PSMG2: variants seen among roughly 807,000 people sequenced by gnomAD.
The protein encoded by PSMG2 is CD40 ligand-activated specific transcript 3.
A neutral mutation model predicts 31.5 loss-of-function variants in PSMG2; 21 were observed. The ratio of observed to expected loss-of-function variants is 0.67; its 90% CI spans 0.47 to 0.96. The LOEUF (loss-of-function observed/expected upper bound fraction) is 0.96. Ranked by LOEUF, PSMG2 falls within the 40% of genes least tolerant of loss-of-function variation. The pLI, the probability that PSMG2 is intolerant of heterozygous loss-of-function variation, is 0.00. For missense variants in PSMG2, 318 were observed against 321.2 expected, an observed-to-expected ratio of 0.99 and a Z score of 0.08; for synonymous variants, 120 against 110.4, an observed-to-expected ratio of 1.09 and a Z score of -0.54.
intron 1 of PSMG2, chr18:12,680,582 G>T: frequency 9.3e-7 from 1 of 1,076,328 alleles, no homozygotes; most frequent in Non-Finnish European, 1.3e-6. Context: ...GGGCGACAGA[G>T]CGAGACTCCA....
chr18:12,722,730 A>G lies in PSMG2; in HGVS notation c.582-1769A>G, dbSNP rs534623515. ...AATAGTTCCAAATAAAAAAGTAATAATAATAGTCATCCTCTGCCTTTCTTT... is the reference window on the plus strand; with the variant it reads ...AATAGTTCCAAATAAAAAAGTAATAGTAATAGTCATCCTCTGCCTTTCTTT... On this transcript the variant is annotated intron_variant, in intron 5 of 6. Transcript: ENST00000317615. 8.5e-5 allele frequency among the ~76,000 whole-genome samples: 13 copies of G among 152,352 alleles called. No individual in the cohort carries two copies. The South Asian group carries it at 2.5e-3, about 29-fold the overall frequency.
At chr18:12,702,791 C>A, upstream of PSMG2, 1 of 572,264 alleles carries the variant, frequency 1.7e-6, no homozygotes, top group Non-Finnish European at 3.0e-6. Context: ...TGGGGCTGGC[C>A]CGCACGCTGC....
chr18:12,723,064 A>G (rs914574086), intron 5 of PSMG2, among the ~76,000 whole-genome samples: 2 of 152,242 alleles, frequency 1.3e-5, no homozygotes, highest in Admixed American at 1.3e-4. Flanking sequence ...AACAGTTTCT[A>G]CTTTGTAGTT....
Position 12,668,597 on chromosome 18 carries a change from CAAAAAAAAAAAAAAAAA to C in PSMG2, c.-37+9840_-37+9856del, listed in dbSNP as rs752216074. 2.8e-3 allele frequency among the ~76,000 whole-genome samples: 201 copies of C among 72,830 alleles called. 5 individuals are homozygous for C. The highest frequency in any genetic ancestry group is 8.8e-3 in the African/African-American group (158 of 18,056). The allele number at this position is 72,830 out of a possible 152,430, so 47.8% of individuals were successfully genotyped here. ...TGGGAGACAGAGTAAGATTCCATCT[CAAAAAAAAAAAAAAAAA>C]AAAAAAAAAAAAAAATAGTGAATGT... On this transcript the variant is annotated intron_variant, in intron 1 of 6. Transcript: ENST00000585331.
At chr18:12,702,923 C>T, upstream of PSMG2, 1 of 644,566 alleles carries the variant, frequency 1.6e-6, no homozygotes, top group Non-Finnish European at 2.5e-6. Flanking sequence ...TCGCGGCCAC[C>T]CGGCGGCCTC....
intron 1 of PSMG2, among the ~76,000 whole-genome samples, chr18:12,705,711 ACACT>A (rs1223504025): frequency 2.0e-5 from 3 of 152,066 alleles, no homozygotes; most frequent in Admixed American, 1.3e-4. Context: ...CGAAGCCTTT[ACACT>A]TGCTTTCCCA....
At chr18:12,703,364 A>T (rs1017185968) in intron 1 of PSMG2, among the ~76,000 whole-genome samples, 200 bp downstream of exon 1, 9 of 152,242 alleles carry the variant, frequency 5.9e-5, no homozygotes, top group African/African-American at 2.2e-4. Context: ...AACCAAACGT[A>T]GTCAAGTCTA....
At chr18:12,695,658 G>A (rs1322064396) in intron 1 of PSMG2, among the ~76,000 whole-genome samples, 3 of 151,972 alleles carry the variant, frequency 2.0e-5, no homozygotes, top group African/African-American at 7.3e-5. Flanking sequence ...TGATATTCCT[G>A]CCTCAGCCTT....
At chr18:12,688,871 T>G (rs1239642123) in intron 1 of PSMG2, among the ~76,000 whole-genome samples, 1 of 152,110 alleles carries the variant, frequency 6.6e-6, no homozygotes, top group East Asian at 1.9e-4. Context: ...TCCCAGCACT[T>G]TGGGAGGCCG....
At chr18:12,675,065 A>G (rs969785988) in intron 1 of PSMG2, among the ~76,000 whole-genome samples, 4 of 136,254 alleles carry the variant, frequency 2.9e-5, no homozygotes, top group African/African-American at 8.0e-5. Context: ...TATGGAGGAC[A>G]GGTATAATTC....
chr18:12,689,243 CTGT>C (rs560977588), intron 1 of PSMG2, among the ~76,000 whole-genome samples: 27 of 151,904 alleles, frequency 1.8e-4, no homozygotes, highest in South Asian at 4.1e-4. Flanking sequence ...CTGTTTTACA[CTGT>C]TGTTGTTTAA....
At chr18:12,659,597 G>A (rs185478221) in intron 1 of PSMG2, among the ~76,000 whole-genome samples, 2 of 152,232 alleles carry the variant, frequency 1.3e-5, no homozygotes, top group Non-Finnish European at 2.9e-5. Context: ...TTGAACCTGG[G>A]AGGTGGAAGT....
At chr18:12,708,378 T>A (rs1231538474) in intron 2 of PSMG2, among the ~76,000 whole-genome samples, 1 of 152,006 alleles carries the variant, frequency 6.6e-6, no homozygotes, top group Non-Finnish European at 1.5e-5. Context: ...TTTTTTTTTT[T>A]AATGAGATGG....
chr18:12,699,314 A>G, upstream of PSMG2: 1 of 694,348 alleles, frequency 1.4e-6, no homozygotes, highest in Non-Finnish European at 2.4e-6. Context: ...CCAAAGACTA[A>G]AAAAAAAGCA....
chr18:12,703,594 G>T (rs113255294), intron 1 of PSMG2, among the ~76,000 whole-genome samples: 7 of 152,232 alleles, frequency 4.6e-5, no homozygotes, highest in African/African-American at 1.4e-4. Flanking sequence ...CAGTTTTATC[G>T]CTCTTTATAT....
chr18:12,678,129 G>T (rs769159491), intron 1 of PSMG2: 1 of 1,612,434 alleles, frequency 6.2e-7, no homozygotes, highest in Admixed American at 1.7e-5. Flanking sequence ...TCTGACACCA[G>T]GAGCCTCAGC....
At chr18:12,671,142 T>G (rs2038932516) in intron 1 of PSMG2, 1 of 150,844 alleles carries the variant, frequency 6.6e-6, no homozygotes, top group Non-Finnish European at 1.5e-5. Flanking sequence ...GGGGGGGGTC[T>G]CTCTATGCTC....
At chr18:12,704,305 G>C (rs2051789607) in intron 1 of PSMG2, among the ~76,000 whole-genome samples, 2 of 152,176 alleles carry the variant, frequency 1.3e-5, no homozygotes, top group African/African-American at 4.8e-5. Flanking sequence ...TTAATTCAGA[G>C]ACAGGCATGA....
At chr18:12,701,039 A>T, upstream of PSMG2, 1 of 1,613,832 alleles carries the variant, frequency 6.2e-7, no homozygotes, top group Non-Finnish European at 8.5e-7. Flanking sequence ...CTGTTGATAA[A>T]TGCTGTTGAT....
Sources: allele counts gnomAD v4.1 joint callset (sites outside exome capture counted in the v4.1 genomes callset), GRCh38; gene constraint gnomAD v4.1.1; transcripts MANE v1.5; gene names NCBI Gene and HGNC (gene_info 2026-07-23, HGNC 2026-07-21).